Variants in MAP3K5 observed in about 807,000 individuals in gnomAD.
MAP3K5 encodes ASK-1.
In MAP3K5, 56 loss-of-function variants were observed where a neutral mutation model predicts 158.7. The ratio of observed to expected loss-of-function variants is 0.35; its 90% CI spans 0.28 to 0.44. The LOEUF (loss-of-function observed/expected upper bound fraction) is 0.44, where lower values mean the gene tolerates loss of function less well. Among genes scored for constraint, MAP3K5 ranks in the 20% least tolerant of loss-of-function variants. The probability of loss-of-function intolerance (pLI) is 1.00; values close to 1 mark genes in which losing one functional copy is unlikely to be tolerated. For synonymous variants in MAP3K5, 579 were observed against 601.7 expected (o/e 0.96, Z 0.55); for missense variants, 1,294 against 1,674.8 (o/e 0.77, Z 3.97).
intron 1 of MAP3K5, among the ~76,000 whole-genome samples, chr6:136,724,104 T>TA (rs1781856458): frequency 6.6e-6 from 1 of 151,644 alleles, no homozygotes; most frequent in South Asian, 2.1e-4. Context: ...TGATGAAAAA[T>TA]AAGAGACATG....
intron 15 of MAP3K5, among the ~76,000 whole-genome samples, chr6:136,615,931 A>G (rs1562549590): frequency 6.6e-6 from 1 of 152,014 alleles, no homozygotes; most frequent in Non-Finnish European, 1.5e-5. Flanking sequence ...TAGCTAAAGC[A>G]ATTAGTTTAT....
chr6:136,633,136 C>T (rs1470820416), intron 14 of MAP3K5, among the ~76,000 whole-genome samples: 2 of 152,194 alleles, frequency 1.3e-5, no homozygotes, highest in African/African-American at 4.8e-5. Context: ...CAGTGGCTCA[C>T]GCCTATAATC....
Position 136,697,332 on chromosome 6 carries a change from T to C in MAP3K5, c.862A>G (p.Thr288Ala). The change falls in exon 5 of 30, where the codon ACT becomes GCT. Residue 288 changes from threonine to alanine, a missense_variant. Around this residue, in one of 5 missense-constraint regions of MAP3K5, gnomAD observed 690 missense variants for 870.5 expected, o/e 0.79. Transcript: ENST00000359015. ...AACTCAGCTGCCAATTCTTTACCAG[T>C]GTATAAATTACGAGCTTTCCTGATG... ...NDIRKARNLY[T>A]GKELAAELAR... The C allele has an allele frequency of 1.2e-6, 2 of 1,613,628 alleles. No homozygotes were observed. Among genetic ancestry groups the C allele is most frequent in the Non-Finnish European group, 1.7e-6 (2 of 1,179,726 alleles).
chr6:136,784,573 T>C (rs1056641731), intron 1 of MAP3K5, among the ~76,000 whole-genome samples: 4 of 152,286 alleles, frequency 2.6e-5, no homozygotes, highest in Admixed American at 2.0e-4. Context: ...TATGAGTTTA[T>C]CTACGTTTGC....
At chr6:136,780,343 T>C (rs1784565584) in intron 1 of MAP3K5, among the ~76,000 whole-genome samples, 1 of 152,246 alleles carries the variant, frequency 6.6e-6, no homozygotes, top group Non-Finnish European at 1.5e-5. Flanking sequence ...ACTTATAGAA[T>C]TGCCTTACAA....
intron 1 of MAP3K5, among the ~76,000 whole-genome samples, chr6:136,723,694 A>G (rs958486628): frequency 2.6e-5 from 4 of 152,218 alleles, no homozygotes; most frequent in South Asian, 4.1e-4. Context: ...TGTTTGGTGC[A>G]AAGTCCACCT....
At chr6:136,742,302 A>C (rs572181022) in intron 1 of MAP3K5, among the ~76,000 whole-genome samples, 2 of 152,310 alleles carry the variant, frequency 1.3e-5, no homozygotes, top group African/African-American at 4.8e-5. Context: ...AACGGAACAG[A>C]ATAGAAGCCC....
At chr6:136,725,342 T>C (rs1581713) in intron 1 of MAP3K5, among the ~76,000 whole-genome samples, 55,532 of 152,118 alleles carry the variant, frequency 0.37, 12,014 homozygotes, top group Middle Eastern at 0.5. Flanking sequence ...GCATCTCAGC[T>C]GTCCAACATC....
At position 136,642,562 on chromosome 6, in the gene MAP3K5, A is replaced by G; in HGVS notation, c.1796T>C (p.Ile599Thr). 1 of 1,604,878 alleles carries G rather than the reference A, an allele frequency of 6.2e-7. No homozygotes were observed. The highest frequency in any genetic ancestry group is 1.7e-5 in the Admixed American group (1 of 59,788). The change falls in exon 12 of 30, where the codon ATA becomes ACA. Residue 599 changes from isoleucine (I) to threonine (T), a missense_variant. Ile to Thr is a moderately conservative substitution (Grantham distance 89, BLOSUM62 -1). Around this residue, in one of 5 missense-constraint regions of MAP3K5, gnomAD observed 690 missense variants for 870.5 expected, o/e 0.79. Coordinates refer to ENST00000359015, the MANE Select transcript of MAP3K5 (RefSeq NM_005923.4). ...AGAGGCACTAAAATTCCACTCATGT[A>G]TACCTTTCTAGAACAACAACAAGAA... ...WHVLPDDKKG[I>T]HEWNFSASSV...
intron 7 of MAP3K5, among the ~76,000 whole-genome samples, chr6:136,671,909 A>C (rs367756026): frequency 2.2e-4 from 33 of 152,124 alleles, no homozygotes; most frequent in Admixed American, 1.0e-3. Flanking sequence ...TACAGGTGTA[A>C]GCCACTGCAC....
chr6:136,613,323 T>A lies in MAP3K5; in HGVS notation c.2279-67A>T. On this transcript the variant is annotated intron_variant, in intron 16 of 29. Transcript: ENST00000359015. The surrounding 1 kb of genome is among the most constrained non-coding windows in gnomAD (Gnocchi z 4.0). ...TGAGCTCTTTAAAGTGTATTAATAA[T>A]GTAACAGTAATTTAAGCTAACAGTC... 7.2e-7 allele frequency: 1 copy of A among 1,395,494 alleles called. No homozygotes were observed. The highest frequency in any genetic ancestry group is 9.8e-7 in the Non-Finnish European group (1 of 1,021,354). 86.4% of individuals were successfully genotyped at this position (1,395,494 alleles called of 1,614,324 possible). A position where few individuals can be genotyped will look rare whatever the true frequency, so the allele number is the denominator to read the frequency against.
chr6:136,646,514 T>C (rs1353391493), intron 11 of MAP3K5, among the ~76,000 whole-genome samples: 1 of 152,200 alleles, frequency 6.6e-6, no homozygotes. Flanking sequence ...TTCTGTTCTT[T>C]TTCTGTCTTC....
At chr6:136,691,277 A>G (rs1244501255) in intron 7 of MAP3K5, among the ~76,000 whole-genome samples, 1 of 152,144 alleles carries the variant, frequency 6.6e-6, no homozygotes, top group Admixed American at 6.5e-5. Context: ...TCCCTGCAAC[A>G]GTATATCTCT....
At chr6:136,740,391 A>C (rs1417597213) in intron 1 of MAP3K5, among the ~76,000 whole-genome samples, 2 of 151,980 alleles carry the variant, frequency 1.3e-5, no homozygotes, top group African/African-American at 4.8e-5. Flanking sequence ...TCTGCTGTTT[A>C]CTTATGATTT....
At chr6:136,626,622 G>C (rs531618081) in intron 14 of MAP3K5, among the ~76,000 whole-genome samples, 1 of 152,140 alleles carries the variant, frequency 6.6e-6, no homozygotes, top group African/African-American at 2.4e-5. Flanking sequence ...CTTCTGCAAT[G>C]CTGTGCCTGC....
intron 25 of MAP3K5, among the ~76,000 whole-genome samples, chr6:136,570,187 G>A (rs1202902590): frequency 6.6e-6 from 1 of 152,138 alleles, no homozygotes; most frequent in African/African-American, 2.4e-5. Context: ...ATTCGTATAT[G>A]GGCACTTTGG....
chr6:136,752,556 C>T (rs543179910), intron 1 of MAP3K5, among the ~76,000 whole-genome samples: 23 of 152,256 alleles, frequency 1.5e-4, no homozygotes, highest in African/African-American at 4.6e-4. Flanking sequence ...GGATTACAGG[C>T]GCGTGCCACC....
chr6:136,572,852 G>GAACC (rs1774432027), intron 25 of MAP3K5, among the ~76,000 whole-genome samples: 1 of 152,178 alleles, frequency 6.6e-6, no homozygotes, highest in Non-Finnish European at 1.5e-5. Flanking sequence ...TTTTCTCAAA[G>GAACC]AGATGACAAT....
intron 23 of MAP3K5, 60 bp downstream of exon 23, chr6:136,592,113 G>T (rs1357113630): frequency 2.8e-6 from 4 of 1,452,062 alleles, no homozygotes; most frequent in African/African-American, 2.8e-5. Flanking sequence ...GCTGCAGGCG[G>T]TTAGGACACA....
Sources: gnomAD v4.1 joint callset for allele counts (sites outside exome capture counted in the v4.1 genomes callset) on GRCh38, gnomAD v4.1.1 for gene constraint, gnomAD v4.1.1 regional missense constraint, Gnocchi (gnomAD v3.1) non-coding constraint, MANE v1.5 for transcripts, NCBI Gene and HGNC (gene_info 2026-07-23, HGNC 2026-07-21) for gene names.